The following ODAD2 variants were observed in gnomAD, a reference collection of about 807,000 sequenced individuals.
The protein encoded by ODAD2 is outer dynein arm-docking complex subunit 2.
In ODAD2, 89 loss-of-function variants were observed where a neutral mutation model predicts 106.8. The ratio of observed to expected loss-of-function variants is 0.83; its 90% CI spans 0.70 to 0.99. The LOEUF is 0.99. ODAD2 is among the 50% of genes least tolerant of loss of function. The probability of loss-of-function intolerance (pLI) is 0.00; values close to 1 mark genes in which losing one functional copy is unlikely to be tolerated. For synonymous variants in ODAD2, 404 were observed against 436.2 expected (o/e 0.93, Z 0.92); for missense variants, 1,168 against 1,238.5 (o/e 0.94, Z 0.85).
chr10:27,945,432 G>GAT (rs749249602), intron 10 of ODAD2, among the ~76,000 whole-genome samples: 72 of 152,322 alleles, frequency 4.7e-4, no homozygotes, highest in Admixed American at 1.6e-3. Context: ...CTGGAACCTA[G>GAT]AGTAGGTGGT....
chr10:27,932,217 T>C (rs1432152405), intron 16 of ODAD2, among the ~76,000 whole-genome samples: 5 of 152,156 alleles, frequency 3.3e-5, no homozygotes, highest in Non-Finnish European at 5.9e-5. Flanking sequence ...ATTACAGATG[T>C]AAGCCACCAC....
chr10:27,887,539 T>C (rs542970191), intron 17 of ODAD2, among the ~76,000 whole-genome samples: 24 of 152,030 alleles, frequency 1.6e-4, no homozygotes, highest in Non-Finnish European at 2.8e-4. Context: ...TTTTCTCAAG[T>C]GTACAATAAA....
chr10:27,920,601 C>T lies in ODAD2; in HGVS notation c.2496-12824G>A, dbSNP rs565053356. On this transcript the variant is annotated intron_variant, in intron 16 of 19. Transcript: ENST00000305242. ...CACTTTTGCATCTCAGTTAAATCTA[C>T]GTGCTTTAAAAGTATGCAGATGAAA... 9.2e-5 allele frequency among the ~76,000 whole-genome samples: 14 copies of T among 152,144 alleles called. No homozygotes were observed. The South Asian group carries it at 1.2e-3, about 14-fold the overall frequency.
At chr10:27,906,175 A>G (rs1203748199) in intron 17 of ODAD2, among the ~76,000 whole-genome samples, 2 of 152,206 alleles carry the variant, frequency 1.3e-5, no homozygotes, top group Non-Finnish European at 2.9e-5. Context: ...ATAAGAAAAA[A>G]CAACTCCATC....
intron 18 of ODAD2, among the ~76,000 whole-genome samples, chr10:27,862,095 GA>G (rs1840087947): frequency 6.6e-6 from 1 of 152,182 alleles, no homozygotes; most frequent in African/African-American, 2.4e-5. Flanking sequence ...ACGTTGGCAT[GA>G]AGAACCATCG....
chr10:27,827,573 C>T (rs1171089996), intron 19 of ODAD2, among the ~76,000 whole-genome samples: 1 of 152,004 alleles, frequency 6.6e-6, no homozygotes, highest in Non-Finnish European at 1.5e-5. Flanking sequence ...CCAGGCATCA[C>T]ATCCAAAATG....
In ODAD2 at chr10:27,939,879, T is replaced by C; in HGVS notation, c.2097+18A>G. 6.6e-7 allele frequency: 1 copy of C among 1,518,908 alleles called. No homozygotes were observed. The highest frequency in any genetic ancestry group is 1.2e-5 in the South Asian group (1 of 82,922). The allele number at this position is 1,518,908 out of a possible 1,614,324, so 94.1% of individuals were successfully genotyped here. ...TGTGAGAAAGAACGCCAACAACCGC[T>C]GGGAGAGTTCACTGCACCTGGTAAA... On this transcript the variant is annotated intron_variant, in intron 14 of 19. Transcript: ENST00000305242.
At chr10:27,850,153 T>A (rs902675602) in intron 19 of ODAD2, among the ~76,000 whole-genome samples, 3 of 152,100 alleles carry the variant, frequency 2.0e-5, no homozygotes, top group Non-Finnish European at 4.4e-5. Flanking sequence ...GTGTTTAAAG[T>A]GAAAACATTT....
At position 27,981,583 on chromosome 10, in the gene ODAD2, C is replaced by T. The variant is rs988722926; in HGVS notation, c.820-1G>A. On this transcript the variant is annotated splice_acceptor_variant, in intron 6 of 19. Coordinates refer to ENST00000305242, the MANE Select transcript of ODAD2 (RefSeq NM_018076.5). LOFTEE classifies it high-confidence loss of function. ...CGTCCCCTTCATCATCTGTTTTGCCCTTTGGGAAAAAACAAGTTTCATTCT... is the reference window on the plus strand; with the variant it reads ...CGTCCCCTTCATCATCTGTTTTGCCTTTTGGGAAAAAACAAGTTTCATTCT... 25 of 1,535,656 alleles carry T rather than the reference C, an allele frequency of 1.6e-5. No homozygotes were observed. The African/African-American group carries it at 3.5e-4, about 21-fold the overall frequency.
At chr10:27,978,711 G>A (rs974855967) in intron 7 of ODAD2, among the ~76,000 whole-genome samples, 5 of 152,078 alleles carry the variant, frequency 3.3e-5, no homozygotes, top group African/African-American at 4.8e-5. Flanking sequence ...AGAACCACAT[G>A]AACTCAGGAG....
intron 8 of ODAD2, among the ~76,000 whole-genome samples, chr10:27,969,661 G>C (rs888878572): frequency 3.9e-5 from 6 of 152,172 alleles, no homozygotes; most frequent in African/African-American, 1.4e-4. Flanking sequence ...CAGCTCTCTG[G>C]GTTTGCTTCC....
chr10:27,833,377 GA>G (rs34549525), intron 19 of ODAD2, among the ~76,000 whole-genome samples: 85,956 of 150,124 alleles, frequency 0.57, 25,495 homozygotes, highest in Middle Eastern at 0.68. Flanking sequence ...GGTACAAACT[GA>G]AAAAAAAAAT....
intron 17 of ODAD2, among the ~76,000 whole-genome samples, chr10:27,872,616 T>C (rs907889997): frequency 6.6e-6 from 1 of 152,228 alleles, no homozygotes; most frequent in Non-Finnish European, 1.5e-5. Context: ...GAGATAATCA[T>C]GTGGTTTTTG....
chr10:27,994,800 T>G, intron 2 of ODAD2, 119 bp downstream of exon 2: 2 of 1,071,886 alleles, frequency 1.9e-6, no homozygotes, highest in Non-Finnish European at 2.7e-6. Flanking sequence ...TTTCATTCCC[T>G]GGTTTAGAGG....
At chr10:27,877,459 A>G (rs1309918181) in intron 17 of ODAD2, among the ~76,000 whole-genome samples, 1 of 152,130 alleles carries the variant, frequency 6.6e-6, no homozygotes, top group Non-Finnish European at 1.5e-5. Flanking sequence ...GGACAGGGAA[A>G]CATTAGGCTC....
intron 17 of ODAD2, among the ~76,000 whole-genome samples, chr10:27,876,648 C>T (rs564457265): frequency 4.6e-5 from 7 of 152,174 alleles, no homozygotes; most frequent in African/African-American, 9.7e-5. Context: ...TCTGAGATAA[C>T]GTCTCTGAGG....
chr10:27,885,696 A>AAATATATAATATATAT (rs1491556365), intron 17 of ODAD2, among the ~76,000 whole-genome samples: 46 of 44,468 alleles, frequency 1.0e-3, no homozygotes, highest in African/African-American at 4.1e-3. Context: ...ATAATATATA[A>AAATATATAATATATAT]TATATATAAA....
At chr10:27,996,369 T>C (rs1416223644) in intron 1 of ODAD2, among the ~76,000 whole-genome samples, 1 of 152,178 alleles carries the variant, frequency 6.6e-6, no homozygotes, top group African/African-American at 2.4e-5. Flanking sequence ...TCACAGGAGA[T>C]CACTGGATGG....
chr10:27,976,929 C>T (rs1849227223), intron 7 of ODAD2, among the ~76,000 whole-genome samples: 1 of 152,036 alleles, frequency 6.6e-6, no homozygotes, highest in African/African-American at 2.4e-5. Context: ...TTCAGAAATA[C>T]ATTCACAGAC....
Sources: allele counts gnomAD v4.1 joint callset (sites outside exome capture counted in the v4.1 genomes callset), GRCh38; gene constraint gnomAD v4.1.1; transcripts MANE v1.5; gene names NCBI Gene and HGNC (gene_info 2026-07-23, HGNC 2026-07-21).